The following BTBD10 variants were observed in gnomAD, a reference collection of about 807,000 sequenced individuals.
The protein encoded by BTBD10 is BTB domain containing 10, also known as BTB/POZ domain-containing protein 10.
Under a neutral mutation model 53.2 loss-of-function variants are expected in BTBD10, and 21 were observed. The observed-to-expected ratio is 0.39, with a 90% CI of 0.28 to 0.57. The LOEUF is 0.57. Ranked by LOEUF, BTBD10 falls within the 20% of genes least tolerant of loss-of-function variation. BTBD10 has a pLI of 0.53. For missense variants in BTBD10, 360 were observed against 594.7 expected, an observed-to-expected ratio of 0.61 and a Z score of 4.10; for synonymous variants, 149 against 192.7, an observed-to-expected ratio of 0.77 and a Z score of 1.88.
At chr11:13,446,443 T>C (rs1412281881) in intron 1 of BTBD10, among the ~76,000 whole-genome samples, 8 of 152,230 alleles carry the variant, frequency 5.3e-5, no homozygotes, top group African/African-American at 1.7e-4. Context: ...ACAATTTTAC[T>C]ATAATTTTTT....
chr11:13,421,326 C>T (rs1017997783), intron 3 of BTBD10, among the ~76,000 whole-genome samples: 21 of 152,144 alleles, frequency 1.4e-4, no homozygotes, highest in Non-Finnish European at 3.1e-4. Flanking sequence ...TAATTTACTA[C>T]AAACTATTGC....
At chr11:13,416,481 T>C (rs866340592) in intron 5 of BTBD10, among the ~76,000 whole-genome samples, 3 of 152,146 alleles carry the variant, frequency 2.0e-5, no homozygotes, top group Non-Finnish European at 4.4e-5. Context: ...AATAAAATAA[T>C]AGAATCAAGT....
chr11:13,437,089 T>C (rs1276844770), intron 2 of BTBD10, among the ~76,000 whole-genome samples: 1 of 152,192 alleles, frequency 6.6e-6, no homozygotes, highest in Non-Finnish European at 1.5e-5. Context: ...AGCCCAAGAT[T>C]TCTCTTAAAT....
chr11:13,461,834 A>G (rs1951105185), intron 1 of BTBD10, among the ~76,000 whole-genome samples: 1 of 152,058 alleles, frequency 6.6e-6, no homozygotes, highest in Admixed American at 6.5e-5. Flanking sequence ...CCTACTTTGT[A>G]TGTATTAATA....
At chr11:13,448,874 T>G (rs772117535) in intron 1 of BTBD10, among the ~76,000 whole-genome samples, 7 of 152,168 alleles carry the variant, frequency 4.6e-5, no homozygotes, top group Non-Finnish European at 1.0e-4. Flanking sequence ...CTTGTAATCA[T>G]CAAAAAATAA....
chr11:13,446,239 T>C (rs1048765466), intron 1 of BTBD10, among the ~76,000 whole-genome samples: 8 of 152,134 alleles, frequency 5.3e-5, no homozygotes, highest in Non-Finnish European at 8.8e-5. Context: ...TTTTCCAAGC[T>C]GGATTTGATG....
At chr11:13,430,914 C>A (rs1205038064) in intron 2 of BTBD10, among the ~76,000 whole-genome samples, 1 of 150,178 alleles carries the variant, frequency 6.7e-6, no homozygotes, top group Non-Finnish European at 1.5e-5. Flanking sequence ...ACCAAAGAAG[C>A]TTTTGAGTGT....
At chr11:13,396,943 C>T (rs1366429943) in intron 8 of BTBD10, among the ~76,000 whole-genome samples, 3 of 152,136 alleles carry the variant, frequency 2.0e-5, no homozygotes, top group African/African-American at 7.2e-5. Context: ...TTCGGTTTGC[C>T]AGAATTTTAT....
At chr11:13,453,343 G>C (rs971173592) in intron 1 of BTBD10, among the ~76,000 whole-genome samples, 2 of 152,034 alleles carry the variant, frequency 1.3e-5, no homozygotes, top group African/African-American at 4.8e-5. Flanking sequence ...ATCCATGCTT[G>C]TATATGTTAA....
chr11:13,401,147 A>G (rs1448832073), intron 8 of BTBD10, among the ~76,000 whole-genome samples: 5 of 145,670 alleles, frequency 3.4e-5, no homozygotes, highest in African/African-American at 9.9e-5. Context: ...TACATTATAT[A>G]TATATACACA....
chr11:13,416,800 G>C (rs953788587), intron 5 of BTBD10, among the ~76,000 whole-genome samples: 1 of 151,966 alleles, frequency 6.6e-6, no homozygotes, highest in African/African-American at 2.4e-5. Context: ...AACACTGTGA[G>C]ACCTCGTCTC....
At chr11:13,448,225 C>T (rs1259325528) in intron 1 of BTBD10, among the ~76,000 whole-genome samples, 1 of 152,086 alleles carries the variant, frequency 6.6e-6, no homozygotes, top group Non-Finnish European at 1.5e-5. Flanking sequence ...CTCATGATTC[C>T]ATATCCTGTA....
intron 8 of BTBD10, among the ~76,000 whole-genome samples, chr11:13,392,921 GGA>G (rs1949445180): frequency 6.6e-6 from 1 of 152,156 alleles, no homozygotes. Flanking sequence ...ACTAATGATG[GGA>G]GTTAAGGCCA....
intron 1 of BTBD10, among the ~76,000 whole-genome samples, chr11:13,451,793 A>G (rs1950864785): frequency 6.6e-6 from 1 of 152,230 alleles, no homozygotes; most frequent in Admixed American, 6.5e-5. Flanking sequence ...TAGCAAACAA[A>G]GACTTCAAAG....
At position 13,405,802 on chromosome 11, in the gene BTBD10, T is replaced by A; in HGVS notation, c.863A>T (p.Tyr288Phe). 1 of 1,613,770 alleles carries A rather than the reference T, an allele frequency of 6.2e-7. No individual in the cohort carries two copies. The highest frequency in any genetic ancestry group is 8.5e-7 in the Non-Finnish European group (1 of 1,179,716). Residue 288 changes from tyrosine (Y) to phenylalanine (F), a missense_variant, in exon 7 of 9, where the codon TAT becomes TTT. Tyr to Phe is a conservative substitution (Grantham distance 22). Coordinates refer to ENST00000278174, the MANE Select transcript of BTBD10 (RefSeq NM_032320.7). Reference sequence around the variant, plus strand: ...GAGAGGGAGGATCATTTCTTCCAGATAAAATTCAAATTGTCTACGAGCACC... The same window carrying A: ...GAGAGGGAGGATCATTTCTTCCAGAAAAAATTCAAATTGTCTACGAGCACC... Reference protein sequence around the residue: ...NDGARRQFEFYLEEMILPLMV... With the variant: ...NDGARRQFEFFLEEMILPLMV...
At chr11:13,436,517 A>G (rs1275436227) in intron 2 of BTBD10, among the ~76,000 whole-genome samples, 3 of 152,224 alleles carry the variant, frequency 2.0e-5, no homozygotes, top group Non-Finnish European at 2.9e-5. Context: ...ATTTAGAACA[A>G]TACTGAGCAC....
rs575118106 is a variant in BTBD10 at position 13,400,726 on chromosome 11, C to T, written c.1117+2442G>A. 5.9e-5 allele frequency among the ~76,000 whole-genome samples: 9 copies of T among 152,238 alleles called. No individual in the cohort carries two copies. In the South Asian group the frequency reaches 1.7e-3, roughly 28 times the overall value. ...GTAGTTCTTTAAAGCCGTGAGAAAA[C>T]GGACTAATACACGGACTAAGCCTTT... On this transcript the variant is annotated intron_variant, in intron 8 of 8. Coordinates refer to ENST00000278174, the MANE Select transcript of BTBD10 (RefSeq NM_032320.7).
chr11:13,436,282 G>C (rs1388134981), intron 2 of BTBD10, among the ~76,000 whole-genome samples: 1 of 152,132 alleles, frequency 6.6e-6, no homozygotes, highest in Non-Finnish European at 1.5e-5. Context: ...TTTGGGCCAG[G>C]TAATTCTTTG....
At chr11:13,440,667 G>C (rs977870577) in intron 2 of BTBD10, among the ~76,000 whole-genome samples, 15 of 152,282 alleles carry the variant, frequency 9.9e-5, no homozygotes, top group African/African-American at 2.9e-4. Flanking sequence ...ACTTTATGCA[G>C]TCTCAGGAGA....
Sources: allele counts gnomAD v4.1 joint callset (sites outside exome capture counted in the v4.1 genomes callset), GRCh38; gene constraint gnomAD v4.1.1; transcripts MANE v1.5; gene names NCBI Gene and HGNC (gene_info 2026-07-23, HGNC 2026-07-21).